Variants in MAL2 observed in about 807,000 individuals in gnomAD.
MAL2 encodes mal, T cell differentiation protein 2, also known as protein MAL2.
Under a neutral mutation model 18.1 loss-of-function variants are expected in MAL2, and 17 were observed. The observed-to-expected ratio is 0.94, with a 90% CI of 0.64 to 1.41. The LOEUF is 1.41. Ranked by LOEUF, MAL2 falls within the 40% of genes most tolerant of loss-of-function variation. The pLI is 0.00. For missense variants in MAL2, 222 were observed against 231.9 expected, an observed-to-expected ratio of 0.96 and a Z score of 0.28; for synonymous variants, 102 against 102.3, an observed-to-expected ratio of 1.00 and a Z score of 0.02.
rs1284171082 is a variant in MAL2 at position 119,219,457 on chromosome 8, C to T, written c.133-2130C>T. 3.3e-5 allele frequency among the ~76,000 whole-genome samples: 5 copies of T among 152,056 alleles called. No homozygotes were observed. In the East Asian group the frequency reaches 7.7e-4, roughly 23 times the overall value. ...TAATATTTGGAGCTCCAACTGTTCT[C>T]ACATGAGCACTAGCTTGTTTACTAA... On this transcript the variant is annotated intron_variant, in intron 1 of 3. Transcript: ENST00000614891.
intron 2 of MAL2, among the ~76,000 whole-genome samples, chr8:119,238,396 T>C (rs1404213448): frequency 6.6e-6 from 1 of 152,172 alleles, no homozygotes; most frequent in Admixed American, 6.5e-5. Flanking sequence ...AAGCTACCAA[T>C]GACTTTCTTC....
chr8:119,219,425 T>C (rs895050486), intron 1 of MAL2, among the ~76,000 whole-genome samples: 18 of 152,166 alleles, frequency 1.2e-4, no homozygotes, highest in African/African-American at 4.1e-4. Context: ...AGATGAGTAT[T>C]GATTTTTAAT....
rs1263928841 is a variant in MAL2 at position 119,243,692 on chromosome 8, T to C, written c.*204T>C. On this transcript the variant is annotated 3_prime_UTR_variant, in exon 4 of 4. Coordinates refer to ENST00000614891, the MANE Select transcript of MAL2 (RefSeq NM_052886.3). ...ATATTAAAGAAATGGCCTTTTATTT[T>C]ACATCTCTCCCCTTTTTCCCTTTCC... 1 of 398,788 alleles carries C rather than the reference T, an allele frequency of 2.5e-6. No homozygotes were observed. The highest frequency in any genetic ancestry group is 4.4e-6 in the Non-Finnish European group (1 of 225,914). The allele number at this position is 398,788 out of a possible 1,614,324, so 24.7% of individuals were successfully genotyped here. A position where few individuals can be genotyped will look rare whatever the true frequency, so the allele number is the denominator to read the frequency against.
intron 2 of MAL2, among the ~76,000 whole-genome samples, chr8:119,222,053 T>C (rs939518732): frequency 2.6e-5 from 4 of 152,216 alleles, no homozygotes; most frequent in Non-Finnish European, 5.9e-5. Flanking sequence ...ATTACAATTA[T>C]CAAACAATTG....
At position 119,236,781 on chromosome 8, in the gene MAL2, C is replaced by A. The variant is rs201505636; in HGVS notation, c.304-3384C>A. Among the ~76,000 whole-genome samples the A allele has an allele frequency of 8.1e-3, 1,205 of 149,448 alleles. 17 individuals carry two copies. The highest frequency in any genetic ancestry group is 0.027 in the African/African-American group (1,060 of 39,110). ...CACAACATAGCAGAATCTCTGGGAC[C>A]CATTCAAAGCAGTGTGTAGAGGGAA... On this transcript the variant is annotated intron_variant, in intron 2 of 3. Coordinates refer to ENST00000614891, the MANE Select transcript of MAL2 (RefSeq NM_052886.3).
intron 2 of MAL2, among the ~76,000 whole-genome samples, chr8:119,226,239 C>T (rs1401696289): frequency 1.3e-5 from 2 of 152,022 alleles, no homozygotes; most frequent in East Asian, 1.9e-4. Flanking sequence ...ATGGTATTGC[C>T]TAGGTTTTCT....
chr8:119,240,389 C>T (rs192103755), intron 3 of MAL2, 69 bp downstream of exon 3: 1 of 1,503,318 alleles, frequency 6.7e-7, no homozygotes, highest in Admixed American at 1.9e-5. Context: ...CTCCAAGAAA[C>T]TCCTCAGGCA....
rs11309798 is a variant in MAL2 at position 119,222,829 on chromosome 8, CAAAAA to C, written c.303+1087_303+1091del. Reference sequence around the variant, plus strand: ...GGAGACAGAGCAAGACCTTGTCTCTCAAAAAAAAAAAAAAAAAAATTTGCAATCAA... The same window carrying C: ...GGAGACAGAGCAAGACCTTGTCTCTCAAAAAAAAAAAAAATTTGCAATCAA... On this transcript the variant is annotated intron_variant, in intron 2 of 3. Transcript: ENST00000614891. Among the ~76,000 whole-genome samples, 315 of 107,418 alleles carry C rather than the reference CAAAAA, an allele frequency of 2.9e-3. 1 individual carries two copies. Among genetic ancestry groups the C allele is most frequent in the African/African-American group, 0.011 (309 of 26,904 alleles). The allele number at this position is 107,418 out of a possible 152,430, so 70.5% of individuals were successfully genotyped here.
chr8:119,222,358 G>A (rs557037325), intron 2 of MAL2, among the ~76,000 whole-genome samples: 5 of 151,732 alleles, frequency 3.3e-5, no homozygotes, highest in South Asian at 2.1e-4. Context: ...GTGACACCCC[G>A]TCTCTACTAA....
chr8:119,229,458 A>T (rs544462705), intron 2 of MAL2, among the ~76,000 whole-genome samples: 1 of 152,142 alleles, frequency 6.6e-6, no homozygotes, highest in Admixed American at 6.5e-5. Context: ...GATTACAGGC[A>T]TGCACCACCA....
At chr8:119,224,481 A>T (rs1055965117) in intron 2 of MAL2, among the ~76,000 whole-genome samples, 1 of 152,230 alleles carries the variant, frequency 6.6e-6, no homozygotes, top group African/African-American at 2.4e-5. Flanking sequence ...CCCAAAGTAT[A>T]ACTGGCACAC....
In MAL2 at chr8:119,218,953, A is replaced by G. The variant is rs79920852; in HGVS notation, c.133-2634A>G. Among the ~76,000 whole-genome samples the G allele has an allele frequency of 6.7e-3, 1,017 of 152,328 alleles. 10 individuals are homozygous for G. The highest frequency in any genetic ancestry group is 0.023 in the African/African-American group (960 of 41,572). On this transcript the variant is annotated intron_variant, in intron 1 of 3. Transcript: ENST00000614891. ...AGTTATGTAGGTTATTCTTTGTGGG[A>G]GAGTAAGAAAAGACTACCAGAAAGA... is the stretch of plus-strand genomic sequence containing the variant.
intron 2 of MAL2, among the ~76,000 whole-genome samples, chr8:119,232,566 T>A (rs1817756176): frequency 6.6e-6 from 1 of 152,180 alleles, no homozygotes; most frequent in African/African-American, 2.4e-5. Flanking sequence ...GTTCTTATAC[T>A]TTTGGTGGAA....
Position 119,225,058 on chromosome 8 carries a change from CTTT to C in MAL2, c.303+3309_303+3311del, listed in dbSNP as rs769663924. On this transcript the variant is annotated intron_variant, in intron 2 of 3. Coordinates refer to ENST00000614891, the MANE Select transcript of MAL2 (RefSeq NM_052886.3). ...GAGGATCCCCCTATAGACGATGCAG[CTTT>C]TTTTTTTAAGATTAACTTTGTAGAG... 1.4e-5 allele frequency among the ~76,000 whole-genome samples: 2 copies of C among 148,090 alleles called. 1 individual carries two copies. Among genetic ancestry groups the C allele is most frequent in the Non-Finnish European group, 3.0e-5 (2 of 66,720 alleles).
chr8:119,232,598 A>C (rs1482053201), intron 2 of MAL2, among the ~76,000 whole-genome samples: 3 of 152,188 alleles, frequency 2.0e-5, no homozygotes, highest in Admixed American at 1.3e-4. Context: ...AGTAGTTTTT[A>C]ATGAAATATA....
chr8:119,210,721 AT>A (rs1325975991), intron 1 of MAL2, among the ~76,000 whole-genome samples: 1 of 152,036 alleles, frequency 6.6e-6, no homozygotes, highest in African/African-American at 2.4e-5. Flanking sequence ...CTCTTATCTC[AT>A]TTCCTCTGGC....
intron 1 of MAL2, among the ~76,000 whole-genome samples, chr8:119,214,123 T>C (rs924077100): frequency 1.3e-5 from 2 of 152,200 alleles, no homozygotes; most frequent in Non-Finnish European, 2.9e-5. Flanking sequence ...GAAATGACCC[T>C]GTAATGACAA....
rs1380801679 is a variant in MAL2 at position 119,245,213 on chromosome 8, G to A, written c.*1725G>A. 3 of 152,616 alleles carry A rather than the reference G, an allele frequency of 2.0e-5. No homozygotes were observed. The highest frequency in any genetic ancestry group is 2.9e-5 in the Non-Finnish European group (2 of 68,018). 9.5% of individuals were successfully genotyped at this position (152,616 alleles called of 1,614,324 possible). A position where few individuals can be genotyped will look rare whatever the true frequency, so the allele number is the denominator to read the frequency against. On this transcript the variant is annotated 3_prime_UTR_variant, in exon 4 of 4. Coordinates refer to ENST00000614891, the MANE Select transcript of MAL2 (RefSeq NM_052886.3). ...ATATCCTACTACTTTGGTTTTCCTA[G>A]CTCCATACCACACACCTAAACCTGT...
At position 119,237,917 on chromosome 8, in the gene MAL2, T is replaced by C. The variant is rs555515648; in HGVS notation, c.304-2248T>C. Among the ~76,000 whole-genome samples the C allele has an allele frequency of 5.3e-5, 8 of 152,228 alleles. No individual in the cohort carries two copies. The East Asian group carries it at 1.2e-3, about 22-fold the overall frequency. ...CCTCTCTCACCATTCCTATTCAACA[T>C]AGTGTTGGAAGTTCTGGCCAGGGCC... On this transcript the variant is annotated intron_variant, in intron 2 of 3. Transcript: ENST00000614891.
Sources: allele counts gnomAD v4.1 joint callset (sites outside exome capture counted in the v4.1 genomes callset), GRCh38; gene constraint gnomAD v4.1.1; transcripts MANE v1.5; gene names NCBI Gene and HGNC (gene_info 2026-07-23, HGNC 2026-07-21).